Variants in ADAM22 observed in about 807,000 individuals in gnomAD.
ADAM22 encodes disintegrin and metalloproteinase domain-containing protein 22.
A neutral mutation model predicts 144.6 loss-of-function variants in ADAM22; 65 were observed. The observed-to-expected ratio is 0.45, with a 90% confidence interval of 0.37 to 0.55. The LOEUF (loss-of-function observed/expected upper bound fraction) is 0.55, where lower values mean the gene tolerates loss of function less well. Ranked by LOEUF, ADAM22 falls within the 20% of genes least tolerant of loss-of-function variation. The probability of loss-of-function intolerance (pLI) is 0.00; values close to 1 mark genes in which losing one functional copy is unlikely to be tolerated. For synonymous variants in ADAM22, 391 were observed against 412.6 expected (o/e 0.95, Z 0.63); for missense variants, 974 against 1,184.9 (o/e 0.82, Z 2.61).
chr7:88,125,146 G>GA (rs1388129534), intron 7 of ADAM22, among the ~76,000 whole-genome samples: 1 of 151,856 alleles, frequency 6.6e-6, no homozygotes, highest in Non-Finnish European at 1.5e-5. Flanking sequence ...AAATTAATTG[G>GA]AAAAAATTAG....
At position 88,145,172 on chromosome 7, in the gene ADAM22, G is replaced by A; in HGVS notation, c.1368G>A (p.Glu456=). ...ECGNGFIETG[E]ECDCGTPAEC... is the part of the protein sequence containing the mutation. ...GCAATGGCTTCATTGAAACTGGAGA[G>A]GAGTGTGATTGTGGAACCCCGGCCG... Residue 456 remains glutamate, a synonymous_variant, in exon 16 of 32, where the codon GAG becomes GAA. Coordinates refer to ENST00000413139, the MANE Select transcript of ADAM22 (RefSeq NM_001324418.2). 1 of 1,613,758 alleles carries A rather than the reference G, an allele frequency of 6.2e-7. No individual in the cohort carries two copies. Among genetic ancestry groups the A allele is most frequent in the Non-Finnish European group, 8.5e-7 (1 of 1,179,862 alleles).
chr7:88,105,956 C>G (rs1333536078), intron 4 of ADAM22, among the ~76,000 whole-genome samples: 1 of 152,152 alleles, frequency 6.6e-6, no homozygotes, highest in Non-Finnish European at 1.5e-5. Flanking sequence ...TCATGTAATC[C>G]TCATAACAGC....
At chr7:88,104,128 A>C (rs1168969210) in intron 4 of ADAM22, among the ~76,000 whole-genome samples, 1 of 152,168 alleles carries the variant, frequency 6.6e-6, no homozygotes, top group East Asian at 1.9e-4. Flanking sequence ...CCATTAGTAC[A>C]GGACTGTTTA....
At chr7:88,039,018 C>T (rs1050725583) in intron 3 of ADAM22, among the ~76,000 whole-genome samples, 5 of 151,996 alleles carry the variant, frequency 3.3e-5, no homozygotes, top group African/African-American at 9.7e-5. Flanking sequence ...TGGGCTCAAG[C>T]GATCCTCCTG....
chr7:87,996,126 A>G (rs1791164584), intron 3 of ADAM22, among the ~76,000 whole-genome samples: 1 of 152,210 alleles, frequency 6.6e-6, no homozygotes, highest in Non-Finnish European at 1.5e-5. Context: ...TTTTAGATCC[A>G]GTAGGAGGCA....
chr7:88,139,884 A>G (rs1378457966), intron 14 of ADAM22, among the ~76,000 whole-genome samples: 1 of 152,076 alleles, frequency 6.6e-6, no homozygotes, highest in Non-Finnish European at 1.5e-5. Flanking sequence ...TTCAGTGTAT[A>G]TTAGTTTGTT....
chr7:87,956,069 C>T (rs951094603), intron 2 of ADAM22, among the ~76,000 whole-genome samples: 1 of 152,226 alleles, frequency 6.6e-6, no homozygotes, highest in African/African-American at 2.4e-5. Flanking sequence ...TCCCTGACCC[C>T]TTGCGCTTCC....
rs1836145352 is a variant in ADAM22, at chr7:88,145,572, G to T, written c.1485+65G>T. 4.6e-6 allele frequency: 6 copies of T among 1,292,260 alleles called. No individual in the cohort carries two copies. The East Asian group carries it at 7.0e-5, about 15-fold the overall frequency. 80.0% of individuals were successfully genotyped at this position (1,292,260 alleles called of 1,614,324 possible). A position where few individuals can be genotyped will look rare whatever the true frequency, so the allele number is the denominator to read the frequency against. On this transcript the variant is annotated intron_variant, in intron 17 of 31. Coordinates refer to ENST00000413139, the MANE Select transcript of ADAM22 (RefSeq NM_001324418.2). ...CATACTTGATTAAATCATTAAGGCT[G>T]GGTAAATATAATCTAATAACAGAAA...
intron 2 of ADAM22, among the ~76,000 whole-genome samples, chr7:87,954,324 T>G (rs755080381): frequency 6.6e-6 from 1 of 152,198 alleles, no homozygotes; most frequent in Non-Finnish European, 1.5e-5. Flanking sequence ...AGGAGCTCTT[T>G]TAGGGCAGGC....
At chr7:87,968,271 A>T (rs763776668) in intron 2 of ADAM22, among the ~76,000 whole-genome samples, 7 of 152,192 alleles carry the variant, frequency 4.6e-5, no homozygotes, top group Non-Finnish European at 5.9e-5. Flanking sequence ...TATACCTTAG[A>T]ATGACATTGA....
chr7:88,002,957 C>A (rs1208154680), intron 3 of ADAM22, among the ~76,000 whole-genome samples: 4 of 152,210 alleles, frequency 2.6e-5, no homozygotes, highest in Admixed American at 2.0e-4. Flanking sequence ...TTAGTAAAAA[C>A]TGGCAATTCT....
intron 3 of ADAM22, among the ~76,000 whole-genome samples, chr7:88,023,578 C>A (rs1014512977): frequency 1.3e-5 from 2 of 152,146 alleles, no homozygotes; most frequent in South Asian, 4.1e-4. Context: ...AGCCACCACA[C>A]CTGGCTAATT....
intron 3 of ADAM22, among the ~76,000 whole-genome samples, chr7:88,039,464 A>AAAAAAAAAAAAAATATATATAT: frequency 1.2e-4 from 9 of 76,364 alleles, no homozygotes; most frequent in East Asian, 5.3e-4. Flanking sequence ...AAAAAAAAAA[A>AAAAAAAAAAAAAATATATATAT]ATATATATAT....
chr7:87,950,983 GTTGT>G (rs1229802382), intron 2 of ADAM22, among the ~76,000 whole-genome samples: 5 of 152,068 alleles, frequency 3.3e-5, no homozygotes, highest in Non-Finnish European at 7.4e-5. Flanking sequence ...TTTTGATGGG[GTTGT>G]TTGTTTTTTT....
intron 31 of ADAM22, among the ~76,000 whole-genome samples, chr7:88,194,192 T>C (rs887197851): frequency 2.6e-5 from 4 of 152,194 alleles, no homozygotes; most frequent in Admixed American, 6.5e-5. Flanking sequence ...AGCAACCCAC[T>C]TTCTGCTAAA....
intron 4 of ADAM22, among the ~76,000 whole-genome samples, chr7:88,104,150 G>A (rs535242592): frequency 4.6e-5 from 7 of 152,122 alleles, no homozygotes; most frequent in African/African-American, 1.7e-4. Flanking sequence ...ATGAATTCTG[G>A]TTCACCCCCG....
rs1261829808 is a variant in ADAM22, at chr7:88,199,290, TATG to T, written c.*2800_*2802del. 6.6e-6 allele frequency: 1 copy of T among 152,128 alleles called. No homozygotes were observed. Among genetic ancestry groups the T allele is most frequent in the African/African-American group, 2.4e-5 (1 of 41,446 alleles). The allele number at this position is 152,128 out of a possible 1,614,324, so 9.4% of individuals were successfully genotyped here. On this transcript the variant is annotated 3_prime_UTR_variant, in exon 32 of 32. Transcript: ENST00000413139. ...CAGAAGAGAGCAGTTATTTGGCCTT[TATG>T]TTCCATTGTATGCCTTTTTCCCCTC...
chr7:88,027,508 A>C (rs1799264889), intron 3 of ADAM22, among the ~76,000 whole-genome samples: 1 of 151,988 alleles, frequency 6.6e-6, no homozygotes, highest in South Asian at 2.1e-4. Flanking sequence ...AGCTTTTCCA[A>C]TTTCTTGGCA....
chr7:88,052,263 C>G (rs559464470), intron 3 of ADAM22, among the ~76,000 whole-genome samples: 340 of 151,088 alleles, frequency 2.3e-3, no homozygotes, highest in African/African-American at 8.2e-3. Context: ...TTTGGGAGAC[C>G]GAGTCGGGCA....
Sources: allele counts gnomAD v4.1 joint callset (sites outside exome capture counted in the v4.1 genomes callset), GRCh38; gene constraint gnomAD v4.1.1; transcripts MANE v1.5; gene names NCBI Gene and HGNC (gene_info 2026-07-23, HGNC 2026-07-21).